Variants in CRTC1 observed in about 807,000 individuals in gnomAD.
The protein encoded by CRTC1 is CREB regulated transcription coactivator 1.
In CRTC1, 18 loss-of-function variants were observed where a neutral mutation model predicts 66.1. The observed-to-expected ratio is 0.27, with a 90% CI of 0.19 to 0.40. The LOEUF is 0.40. Ranked by LOEUF, CRTC1 falls within the 10% of genes least tolerant of loss-of-function variation. The probability of loss-of-function intolerance (pLI) is 1.00; values close to 1 mark genes in which losing one functional copy is unlikely to be tolerated. For missense variants in CRTC1, 669 were observed against 887.9 expected, an observed-to-expected ratio of 0.75 and a Z score of 3.13; for synonymous variants, 416 against 398.8, an observed-to-expected ratio of 1.04 and a Z score of -0.51.
Position 18,780,665 on chromosome 19 carries a change from A to G in CRTC1, c.*3283A>G, listed in dbSNP as rs1026102643. ...CGGTCAGGTGGGACAGGAGCCTGCC[A>G]GAAGCCCATGGGGGGCCAGGCCGGG... is the stretch of plus-strand genomic sequence containing the variant. On this transcript the variant is annotated 3_prime_UTR_variant, in exon 14 of 14. Transcript: ENST00000321949. The G allele has an allele frequency of 4.4e-6, 1 of 225,454 alleles. No homozygotes were observed. Among genetic ancestry groups the G allele is most frequent in the African/African-American group, 2.2e-5 (1 of 44,874 alleles). The allele number at this position is 225,454 out of a possible 1,614,324, so 14.0% of individuals were successfully genotyped here.
chr19:18,688,477 C>T (rs1001876265), intron 1 of CRTC1, among the ~76,000 whole-genome samples: 3 of 151,922 alleles, frequency 2.0e-5, no homozygotes, highest in Admixed American at 1.3e-4. Context: ...CCCCCCCTGT[C>T]GCCCAGGCTG....
At chr19:18,749,952 C>A in intron 5 of CRTC1, 77 bp downstream of exon 5, 1 of 1,162,286 alleles carries the variant, frequency 8.6e-7, no homozygotes, top group Non-Finnish European at 1.3e-6. Flanking sequence ...CAGGAGGTCA[C>A]AAGCTTGTGG....
Position 18,697,733 on chromosome 19 carries a change from C to G in CRTC1, c.126+13905C>G, listed in dbSNP as rs1443756927. On this transcript the variant is annotated intron_variant, in intron 1 of 13. Transcript: ENST00000321949. ...CTGGTGTATCTGGAATGGGGCCTGGCATAGATACTCACTGTGTGCTCACTG... is the reference window on the plus strand; with the variant it reads ...CTGGTGTATCTGGAATGGGGCCTGGGATAGATACTCACTGTGTGCTCACTG... Among the ~76,000 whole-genome samples the G allele has an allele frequency of 3.3e-5, 5 of 152,190 alleles. No individual in the cohort carries two copies. The East Asian group carries it at 9.6e-4, about 29-fold the overall frequency.
chr19:18,780,717 T>C lies in CRTC1; in HGVS notation c.*3335T>C. The C allele has an allele frequency of 4.6e-6, 1 of 217,086 alleles. No homozygotes were observed. Among genetic ancestry groups the C allele is most frequent in the Non-Finnish European group, 9.3e-6 (1 of 107,888 alleles). 13.4% of individuals were successfully genotyped at this position (217,086 alleles called of 1,614,324 possible). On this transcript the variant is annotated 3_prime_UTR_variant, in exon 14 of 14. Transcript: ENST00000321949. ...GGCTTCTATTTTATTTTTTTAGAGA[T>C]GGGGTCTTGCTGTGTTGCCCAGGCT...
intron 1 of CRTC1, among the ~76,000 whole-genome samples, chr19:18,705,102 C>T (rs954472156): frequency 1.3e-5 from 2 of 150,930 alleles, no homozygotes; most frequent in African/African-American, 5.0e-5. Context: ...CACGTTGTAA[C>T]GTGTCAGAAC....
At position 18,760,177 on chromosome 19, in the gene CRTC1, G is replaced by A. The variant is rs1002477841; in HGVS notation, c.835G>A (p.Gly279Ser). The A allele has an allele frequency of 1.2e-5, 19 of 1,613,256 alleles. No individual in the cohort carries two copies. The highest frequency in any genetic ancestry group is 5.5e-5 in the South Asian group (5 of 91,068). Reference protein sequence around the residue: ...FPALSSSSSTGNLAANLTHLG... With the variant: ...FPALSSSSSTSNLAANLTHLG... The stretch of plus-strand genomic sequence containing the variant: ...TGCACTGAGCAGCTCCAGCAGCACC[G>A]GCAACCTCGCGGCCAACCTGACGCA... The change falls in exon 8 of 14, where the codon GGC becomes AGC. Residue 279 changes from glycine to serine, a missense_variant. Around this residue, in one of 8 missense-constraint regions of CRTC1, gnomAD observed 214 missense variants for 323.4 expected, o/e 0.66. Transcript: ENST00000321949. This position sits in a 1 kb window ranked among gnomAD's most constrained non-coding sequence, Gnocchi z 6.2.
At position 18,779,040 on chromosome 19, in the gene CRTC1, G is replaced by T; in HGVS notation, c.*1658G>T. On this transcript the variant is annotated 3_prime_UTR_variant, in exon 14 of 14. Coordinates refer to ENST00000321949, the MANE Select transcript of CRTC1 (RefSeq NM_015321.3). ...GGACCCTCCCCATACCACGGGCCCT[G>T]CAAGGGAGGCATCAGGGCTGGCTTT... is the stretch of plus-strand genomic sequence containing the variant. The T allele has an allele frequency of 8.6e-6, 2 of 232,384 alleles. No individual in the cohort carries two copies. Among genetic ancestry groups the T allele is most frequent in the Non-Finnish European group, 8.5e-6 (1 of 117,518 alleles). 14.4% of individuals were successfully genotyped at this position (232,384 alleles called of 1,614,324 possible).
At chr19:18,742,046 C>T (rs1049439417) in intron 1 of CRTC1, among the ~76,000 whole-genome samples, 1 of 152,214 alleles carries the variant, frequency 6.6e-6, no homozygotes, top group African/African-American at 2.4e-5. Context: ...CACCTCTCCT[C>T]ACGGTGGCTG....
intron 2 of CRTC1, chr19:18,744,194 C>T (rs913923170): frequency 3.8e-6 from 6 of 1,598,882 alleles, no homozygotes; most frequent in Non-Finnish European, 4.3e-6. Flanking sequence ...GCGTCCCCGG[C>T]GCCAGCCTGC....
chr19:18,707,886 C>T (rs1209643807), intron 1 of CRTC1, among the ~76,000 whole-genome samples: 1 of 152,226 alleles, frequency 6.6e-6, no homozygotes, highest in Non-Finnish European at 1.5e-5. Flanking sequence ...GCTATGTGAC[C>T]CTGGGCAAGC....
At chr19:18,776,683 A>G (rs2054996623) in intron 13 of CRTC1, among the ~76,000 whole-genome samples, 1 of 152,204 alleles carries the variant, frequency 6.6e-6, no homozygotes, top group African/African-American at 2.4e-5. Context: ...TTTCAGCCCC[A>G]TTTCTCAGAC....
At chr19:18,729,074 A>G (rs186279552) in intron 1 of CRTC1, among the ~76,000 whole-genome samples, 1,596 of 148,796 alleles carry the variant, frequency 0.011, 28 homozygotes, top group African/African-American at 0.036. Flanking sequence ...TGGCCTCCCA[A>G]AGTGCTGGGA....
intron 6 of CRTC1, among the ~76,000 whole-genome samples, chr19:18,755,546 C>T (rs2054464474): frequency 6.6e-6 from 1 of 151,180 alleles, no homozygotes; most frequent in African/African-American, 2.4e-5. Flanking sequence ...CCTCCTGCCT[C>T]AGCCTCCTGT....
chr19:18,746,017 A>T (rs913842244), intron 3 of CRTC1, 57 bp downstream of exon 3: 49 of 1,549,880 alleles, frequency 3.2e-5, no homozygotes, highest in Non-Finnish European at 3.8e-5. Flanking sequence ...TGCCGGCAGG[A>T]CCCCAAGTTT....
rs953501710 is a variant in CRTC1, at chr19:18,778,367, A to G, written c.*985A>G. On this transcript the variant is annotated 3_prime_UTR_variant, in exon 14 of 14. Coordinates refer to ENST00000321949, the MANE Select transcript of CRTC1 (RefSeq NM_015321.3). ...AATCTTTTAAGCCAACACTTGCCTG[A>G]GAGCATGTTTTTATTTCAGAAATCC... 12 of 232,328 alleles carry G rather than the reference A, an allele frequency of 5.2e-5. No individual in the cohort carries two copies. The highest frequency in any genetic ancestry group is 3.9e-4 in the Admixed American group (7 of 17,756). 14.4% of individuals were successfully genotyped at this position (232,328 alleles called of 1,614,324 possible). A position where few individuals can be genotyped will look rare whatever the true frequency, so the allele number is the denominator to read the frequency against.
intron 5 of CRTC1, among the ~76,000 whole-genome samples, chr19:18,752,427 C>G (rs910565817): frequency 1.3e-5 from 2 of 152,160 alleles, no homozygotes; most frequent in African/African-American, 4.8e-5. Context: ...CAAGCGAGCC[C>G]TCCACCTCAG....
In CRTC1 at chr19:18,777,071, G is replaced by A; in HGVS notation, c.1694-100G>A. The A allele has an allele frequency of 1.4e-6, 1 of 702,050 alleles. No individual in the cohort carries two copies. The highest frequency in any genetic ancestry group is 1.6e-5 in the South Asian group (1 of 61,418). 43.5% of individuals were successfully genotyped at this position (702,050 alleles called of 1,614,324 possible). ...TCCCCAGACATTGCCAGCATACCCA[G>A]GGGACAGAGTCGCCCGGCGGGCATG... On this transcript the variant is annotated intron_variant, in intron 13 of 13. Transcript: ENST00000321949. This position sits in a 1 kb window ranked among gnomAD's most constrained non-coding sequence, Gnocchi z 5.5.
At chr19:18,755,466 G>A (rs2054462449) in intron 6 of CRTC1, among the ~76,000 whole-genome samples, 1 of 151,594 alleles carries the variant, frequency 6.6e-6, no homozygotes, top group African/African-American at 2.4e-5. Flanking sequence ...ATCTTGCTCT[G>A]TTGCCCATGC....
chr19:18,778,196 G>A lies in CRTC1; in HGVS notation c.*814G>A. On this transcript the variant is annotated 3_prime_UTR_variant, in exon 14 of 14. Coordinates refer to ENST00000321949, the MANE Select transcript of CRTC1 (RefSeq NM_015321.3). The stretch of plus-strand genomic sequence containing the variant: ...TACCTCTTGGGGCTTTACAATCCGT[G>A]GCCCCTCCTGTCCTGCACTGTGGTC... The A allele has an allele frequency of 4.3e-6, 1 of 233,024 alleles. No individual in the cohort carries two copies. The highest frequency in any genetic ancestry group is 8.5e-6 in the Non-Finnish European group (1 of 117,888). 14.4% of individuals were successfully genotyped at this position (233,024 alleles called of 1,614,324 possible). A position where few individuals can be genotyped will look rare whatever the true frequency, so the allele number is the denominator to read the frequency against.
Sources: allele counts gnomAD v4.1 joint callset (sites outside exome capture counted in the v4.1 genomes callset), GRCh38; gene constraint gnomAD v4.1.1; regional missense constraint gnomAD v4.1.1; non-coding constraint Gnocchi (gnomAD v3.1); transcripts MANE v1.5; gene names NCBI Gene and HGNC (gene_info 2026-07-23, HGNC 2026-07-21).